C10orf90: variants seen among roughly 807,000 people sequenced by gnomAD.
The protein encoded by C10orf90 is chromosome 10 open reading frame 90, also known as (E2-independent) E3 ubiquitin-conjugating enzyme FATS.
C10orf90 carries 56 observed loss-of-function variants against 62.5 expected under a neutral mutation model. The ratio of observed to expected loss-of-function variants is 0.90; its 90% CI spans 0.72 to 1.12. The LOEUF is 1.12. Ranked by LOEUF, C10orf90 falls within the 50% of genes most tolerant of loss-of-function variation. The pLI is 0.00. For synonymous variants in C10orf90, 386 were observed against 340.4 expected (o/e 1.13, Z -1.47); for missense variants, 970 against 880.4 (o/e 1.10, Z -1.29).
intron 2 of C10orf90, among the ~76,000 whole-genome samples, chr10:126,573,836 T>C (rs1844558136): frequency 6.6e-6 from 1 of 152,186 alleles, no homozygotes; most frequent in South Asian, 2.1e-4. Flanking sequence ...ACTTTGCTTT[T>C]TTTTTTAACC....
chr10:126,565,028 T>TAATATATAATATATATATTATATATAA (rs1426096709), intron 2 of C10orf90, among the ~76,000 whole-genome samples: 1 of 9,082 alleles, frequency 1.1e-4, no homozygotes, highest in Non-Finnish European at 2.1e-4. Context: ...ATATTATATA[T>TAATATATAATATATATATTATATATAA]TATATAAAAT....
At chr10:126,506,220 T>A (rs955723018) in intron 3 of C10orf90, among the ~76,000 whole-genome samples, 2 of 152,168 alleles carry the variant, frequency 1.3e-5, no homozygotes, top group African/African-American at 2.4e-5. Flanking sequence ...TCCAAAAGAG[T>A]ATGCTATGAT....
chr10:126,551,219 G>A (rs983997668), intron 2 of C10orf90, among the ~76,000 whole-genome samples: 3 of 152,308 alleles, frequency 2.0e-5, no homozygotes, highest in Non-Finnish European at 4.4e-5. Flanking sequence ...TTGAAGGATT[G>A]TCTTGAGACT....
intron 1 of C10orf90, among the ~76,000 whole-genome samples, chr10:126,662,506 C>T (rs1197624422): frequency 6.6e-6 from 1 of 152,164 alleles, no homozygotes; most frequent in Non-Finnish European, 1.5e-5. Context: ...AAGAAGTGTG[C>T]CTTGCAAATA....
At chr10:126,555,623 G>A (rs964351980) in intron 2 of C10orf90, among the ~76,000 whole-genome samples, 1 of 151,668 alleles carries the variant, frequency 6.6e-6, no homozygotes, top group African/African-American at 2.4e-5. Flanking sequence ...AGGTTGCAGT[G>A]AGCTGAGATC....
At chr10:126,596,592 C>T (rs1039437711) in intron 2 of C10orf90, among the ~76,000 whole-genome samples, 4 of 152,162 alleles carry the variant, frequency 2.6e-5, no homozygotes, top group African/African-American at 9.7e-5. Flanking sequence ...TTAGCCTAGC[C>T]TACTTTCAAT....
intron 1 of C10orf90, among the ~76,000 whole-genome samples, chr10:126,669,035 T>G (rs1169243385): frequency 1.3e-5 from 2 of 152,204 alleles, no homozygotes; most frequent in Non-Finnish European, 2.9e-5. Context: ...TCAACAAGTT[T>G]TTCTCTCTCT....
chr10:126,440,365 C>A (rs1253083920), intron 7 of C10orf90, among the ~76,000 whole-genome samples: 1 of 152,102 alleles, frequency 6.6e-6, no homozygotes, highest in Non-Finnish European at 1.5e-5. Flanking sequence ...ATCCCCTATC[C>A]GCCACAGCAG....
intron 2 of C10orf90, among the ~76,000 whole-genome samples, chr10:126,560,846 G>A (rs1281161807): frequency 3.9e-5 from 6 of 152,200 alleles, no homozygotes; most frequent in Admixed American, 2.6e-4. Flanking sequence ...ACATTGAAAC[G>A]TGGATTTTGT....
chr10:126,478,544 A>G (rs1244675935), intron 4 of C10orf90, among the ~76,000 whole-genome samples: 1 of 152,254 alleles, frequency 6.6e-6, no homozygotes, highest in Admixed American at 6.5e-5. Context: ...ACAAGATGAT[A>G]CAGAAAGGCA....
chr10:126,582,535 G>A (rs1445522171), intron 2 of C10orf90, among the ~76,000 whole-genome samples: 1 of 152,204 alleles, frequency 6.6e-6, no homozygotes, highest in African/African-American at 2.4e-5. Flanking sequence ...GGGGAACGGC[G>A]AGAAGGAGTT....
At chr10:126,445,881 A>G (rs1208515587) in intron 7 of C10orf90, among the ~76,000 whole-genome samples, 1 of 151,058 alleles carries the variant, frequency 6.6e-6, no homozygotes, top group Non-Finnish European at 1.5e-5. Context: ...ATTTGCAGTG[A>G]CCTGGATGAA....
At chr10:126,509,642 C>A (rs974167826) in intron 3 of C10orf90, among the ~76,000 whole-genome samples, 4 of 152,152 alleles carry the variant, frequency 2.6e-5, no homozygotes, top group Non-Finnish European at 4.4e-5. Context: ...CTACTATGAG[C>A]CAAGTGCTGC....
chr10:126,574,828 A>T (rs1013907030), intron 2 of C10orf90, among the ~76,000 whole-genome samples: 1 of 152,150 alleles, frequency 6.6e-6, no homozygotes, highest in African/African-American at 2.4e-5. Context: ...TGGCCATACC[A>T]CTCTGAATGT....
intron 2 of C10orf90, among the ~76,000 whole-genome samples, chr10:126,564,941 A>AT (rs1345069223): frequency 3.6e-5 from 1 of 27,802 alleles, no homozygotes; most frequent in African/African-American, 1.8e-4. Flanking sequence ...AATATAAAAT[A>AT]TATATAATAT....
At chr10:126,507,423 G>A (rs1591036951) in intron 3 of C10orf90, among the ~76,000 whole-genome samples, 1 of 132,664 alleles carries the variant, frequency 7.5e-6, no homozygotes, top group Admixed American at 7.7e-5. Context: ...GAGTGAAAAA[G>A]AAGAAATAGA....
chr10:126,496,323 C>A (rs756278597), intron 4 of C10orf90, among the ~76,000 whole-genome samples: 2 of 152,126 alleles, frequency 1.3e-5, no homozygotes, highest in Non-Finnish European at 2.9e-5. Flanking sequence ...ACATGAGCAA[C>A]CTTTAGATAC....
At chr10:126,582,670 T>C (rs1359636805) in intron 2 of C10orf90, among the ~76,000 whole-genome samples, 1 of 151,282 alleles carries the variant, frequency 6.6e-6, no homozygotes. Flanking sequence ...GAGATATGCA[T>C]CTTTCCATTT....
At chr10:126,511,273 G>A (rs773853771) in intron 3 of C10orf90, among the ~76,000 whole-genome samples, 9 of 152,108 alleles carry the variant, frequency 5.9e-5, no homozygotes, top group African/African-American at 1.4e-4. Context: ...TTGCCTTTCC[G>A]TGCAGTTACT....
Sources: gnomAD v4.1 joint callset for allele counts (sites outside exome capture counted in the v4.1 genomes callset) on GRCh38, gnomAD v4.1.1 for gene constraint, MANE v1.5 for transcripts, NCBI Gene and HGNC (gene_info 2026-07-23, HGNC 2026-07-21) for gene names.